The following RELN variants were observed in gnomAD, a reference collection of about 807,000 sequenced individuals.
RELN encodes the protein reelin.
Under a neutral mutation model 427.6 loss-of-function variants are expected in RELN, and 108 were observed. The observed-to-expected ratio is 0.25, with a 90% confidence interval of 0.22 to 0.30. The LOEUF (loss-of-function observed/expected upper bound fraction) is 0.30, where lower values mean the gene tolerates loss of function less well. RELN is among the 10% of genes least tolerant of loss of function. The pLI is 1.00. For missense variants in RELN, 3,715 were observed against 4,302.8 expected (o/e 0.86, Z 3.82); for synonymous variants, 1,524 against 1,513.4 (o/e 1.01, Z -0.16).
intron 34 of RELN, among the ~76,000 whole-genome samples, chr7:103,562,781 T>A (rs1830670531): frequency 6.6e-6 from 1 of 152,208 alleles, no homozygotes; most frequent in South Asian, 2.1e-4. Context: ...GGAAACCTAA[T>A]CACAGCAACA....
Position 103,544,803 on chromosome 7 carries a change from C to G in RELN, c.6523+321G>C, listed in dbSNP as rs362761. On this transcript the variant is annotated intron_variant, in intron 42 of 64. Transcript: ENST00000428762. The stretch of plus-strand genomic sequence containing the variant: ...AACAGGAATTTATATTTCTGGAAAC[C>G]CTTCCATCCAAGATTAAGTCTCTAT... 0.012 allele frequency among the ~76,000 whole-genome samples: 1,781 copies of G among 152,110 alleles called. 34 individuals carry two copies. The highest frequency in any genetic ancestry group is 0.04 in the African/African-American group (1,679 of 41,464).
At chr7:103,667,348 G>C (rs1010666814) in intron 11 of RELN, among the ~76,000 whole-genome samples, 15 of 152,086 alleles carry the variant, frequency 9.9e-5, no homozygotes, top group Non-Finnish European at 1.8e-4. Context: ...TTTTAGAGTA[G>C]GTTCAATTTA....
chr7:103,744,677 A>G (rs925558161), intron 6 of RELN, among the ~76,000 whole-genome samples: 35 of 152,368 alleles, frequency 2.3e-4, no homozygotes, highest in African/African-American at 8.4e-4. Flanking sequence ...GAAATGGATA[A>G]ATTCCTCAAC....
chr7:103,632,444 T>A (rs1462699857), intron 19 of RELN, among the ~76,000 whole-genome samples: 9 of 152,152 alleles, frequency 5.9e-5, no homozygotes, highest in Admixed American at 5.9e-4. Flanking sequence ...CACAAGGAGG[T>A]TAAATAATCT....
chr7:103,642,363 T>TTC (rs1554396197), intron 16 of RELN, among the ~76,000 whole-genome samples: 4 of 150,210 alleles, frequency 2.7e-5, no homozygotes, highest in African/African-American at 9.8e-5. Flanking sequence ...TTTTTTTTTT[T>TTC]TTTTGGCAAG....
At chr7:103,503,584 G>A (rs1330283086) in intron 51 of RELN, among the ~76,000 whole-genome samples, 3 of 152,192 alleles carry the variant, frequency 2.0e-5, no homozygotes, top group African/African-American at 7.2e-5. Context: ...TAACCAAGAA[G>A]AATAGCTAAC....
chr7:103,610,085 A>G (rs189028980), intron 22 of RELN, among the ~76,000 whole-genome samples: 46 of 152,300 alleles, frequency 3.0e-4, no homozygotes, highest in Middle Eastern at 3.4e-3. Context: ...GAAATCGTTT[A>G]ATTTTTTCCC....
Position 103,650,361 on chromosome 7 carries a change from G to T in RELN, c.1915C>A (p.Leu639Ile), listed in dbSNP as rs150988816. Reference sequence around the variant, plus strand: ...TTCCGGGTTAGTGCTGCGTTAGGAAGGGGAATTGTTATTCGGTTCCACCTG... The same window carrying T: ...TTCCGGGTTAGTGCTGCGTTAGGAATGGGAATTGTTATTCGGTTCCACCTG... ...YSGWNRITIPLPNAALTRNTR... is the reference protein window; with the variant it reads ...YSGWNRITIPIPNAALTRNTR... Residue 639 changes from leucine to isoleucine, a missense_variant, in exon 16 of 65, where the codon CTT becomes ATT. Coordinates refer to ENST00000428762, the MANE Select transcript of RELN (RefSeq NM_005045.4). 26 of 1,612,064 alleles carry T rather than the reference G, an allele frequency of 1.6e-5. No individual in the cohort carries two copies. In the African/African-American group the frequency reaches 3.5e-4, roughly 22 times the overall value.
Position 103,753,289 on chromosome 7 carries a change from A to T in RELN, c.545-75T>A, listed in dbSNP as rs1362344628. 8 of 1,493,828 alleles carry T rather than the reference A, an allele frequency of 5.4e-6. No individual in the cohort carries two copies. The East Asian group carries it at 1.8e-4, about 34-fold the overall frequency. 92.5% of individuals were successfully genotyped at this position (1,493,828 alleles called of 1,614,324 possible). On this transcript the variant is annotated intron_variant, in intron 4 of 64. Transcript: ENST00000428762. ...AAATCCAGTAATAAAGAGTCACAAC[A>T]CAGTTATAAAACTTAAGTCACATTA...
intron 1 of RELN, among the ~76,000 whole-genome samples, chr7:103,973,842 C>T (rs989298706): frequency 1.3e-4 from 20 of 152,034 alleles, no homozygotes; most frequent in African/African-American, 4.6e-4. Context: ...AAAAGTATGT[C>T]ATAATAATAA....
At chr7:103,773,487 CTTTT>C (rs1438339072) in intron 4 of RELN, among the ~76,000 whole-genome samples, 1 of 143,660 alleles carries the variant, frequency 7.0e-6, no homozygotes, top group African/African-American at 2.6e-5. Context: ...CTCTTTCTTT[CTTTT>C]GACAGAGTCT....
At chr7:103,666,551 A>G (rs1194220344) in intron 11 of RELN, among the ~76,000 whole-genome samples, 1 of 152,158 alleles carries the variant, frequency 6.6e-6, no homozygotes, top group Non-Finnish European at 1.5e-5. Context: ...CTTTTTGGTG[A>G]ATCATAAAAT....
At chr7:103,882,743 A>G (rs1187005744) in intron 2 of RELN, among the ~76,000 whole-genome samples, 3 of 152,226 alleles carry the variant, frequency 2.0e-5, no homozygotes, top group Non-Finnish European at 1.5e-5. Context: ...TAAACCAGGG[A>G]GAAGTTGAAT....
At chr7:103,674,846 C>T (rs571521880) in intron 11 of RELN, among the ~76,000 whole-genome samples, 1 of 152,264 alleles carries the variant, frequency 6.6e-6, no homozygotes, top group African/African-American at 2.4e-5. Flanking sequence ...GCCCTTCATA[C>T]TAAAAACTCT....
In RELN at chr7:103,640,051, ACT is replaced by A. The variant is rs1243079942; in HGVS notation, c.2069+490_2069+491del. Among the ~76,000 whole-genome samples, 2 of 152,194 alleles carry A rather than the reference ACT, an allele frequency of 1.3e-5. No homozygotes were observed. The highest frequency in any genetic ancestry group is 4.8e-5 in the African/African-American group (2 of 41,450). On this transcript the variant is annotated intron_variant, in intron 17 of 64. Transcript: ENST00000428762. This position sits in a 1 kb window ranked among gnomAD's most constrained non-coding sequence, Gnocchi z 4.1. ...TAAAATACTTTATAATTTATTAAAG[ACT>A]CAAATGATTTTCAAAAGTAAACAAG... is the stretch of plus-strand genomic sequence containing the variant.
intron 3 of RELN, among the ~76,000 whole-genome samples, chr7:103,785,405 T>G (rs1466895800): frequency 6.6e-6 from 1 of 152,132 alleles, no homozygotes; most frequent in Non-Finnish European, 1.5e-5. Context: ...AATTAAACAG[T>G]CTGTAAATTT....
At chr7:103,756,161 CT>C (rs1199680960) in intron 4 of RELN, among the ~76,000 whole-genome samples, 2 of 152,136 alleles carry the variant, frequency 1.3e-5, no homozygotes, top group East Asian at 1.9e-4. Flanking sequence ...AAATGCTTTA[CT>C]TTAAATTGTT....
Position 103,553,554 on chromosome 7 carries a change from A to C in RELN, c.5979T>G (p.Asp1993Glu). Reference protein sequence around the residue: ...PYSSKGAPEEDSAMVFVSNEV... With the variant: ...PYSSKGAPEEESAMVFVSNEV... ...CATTTGAAACAAACACCATAGCTGAATCTTCTTCACTGTTACACAGGAAAA... is the reference window on the plus strand; with the variant it reads ...CATTTGAAACAAACACCATAGCTGACTCTTCTTCACTGTTACACAGGAAAA... The change falls in exon 40 of 65, where the codon GAT becomes GAG. Residue 1993 changes from aspartate (D) to glutamate (E), a missense_variant. Coordinates refer to ENST00000428762, the MANE Select transcript of RELN (RefSeq NM_005045.4). 2 of 1,614,078 alleles carry C rather than the reference A, an allele frequency of 1.2e-6. No individual in the cohort carries two copies. The highest frequency in any genetic ancestry group is 1.1e-5 in the South Asian group (1 of 91,080).
intron 4 of RELN, among the ~76,000 whole-genome samples, chr7:103,763,974 T>C (rs889320716): frequency 6.6e-6 from 1 of 152,144 alleles, no homozygotes; most frequent in African/African-American, 2.4e-5. Flanking sequence ...ACACACTGGA[T>C]ATAGACATGG....
Sources: allele counts gnomAD v4.1 joint callset (sites outside exome capture counted in the v4.1 genomes callset), GRCh38; gene constraint gnomAD v4.1.1; non-coding constraint Gnocchi (gnomAD v3.1); transcripts MANE v1.5; gene names NCBI Gene and HGNC (gene_info 2026-07-23, HGNC 2026-07-21).